USP20: variants seen among roughly 807,000 people sequenced by gnomAD.
The protein encoded by USP20 is ubiquitin specific peptidase 20.
Under a neutral mutation model 124.2 loss-of-function variants are expected in USP20, and 80 were observed. That is an observed-to-expected ratio of 0.64 (90% CI 0.54 to 0.78). The LOEUF is 0.78. USP20 is among the 30% of genes least tolerant of loss of function. The pLI, the probability that USP20 is intolerant of heterozygous loss-of-function variation, is 0.00. For missense variants in USP20, 1,043 were observed against 1,244.4 expected, an observed-to-expected ratio of 0.84 and a Z score of 2.44; for synonymous variants, 481 against 512.3, an observed-to-expected ratio of 0.94 and a Z score of 0.83.
At position 129,869,110 on chromosome 9, in the gene USP20, C is replaced by G; in HGVS notation, c.1276+108C>G. 6.2e-6 allele frequency: 9 copies of G among 1,453,756 alleles called. No individual in the cohort carries two copies. In the South Asian group the frequency reaches 1.2e-4, roughly 20 times the overall value. The allele number at this position is 1,453,756 out of a possible 1,614,324, so 90.1% of individuals were successfully genotyped here. A position where few individuals can be genotyped will look rare whatever the true frequency, so the allele number is the denominator to read the frequency against. ...TGGCGGAGGGCCGGGCTATGGGCTC[C>G]TCTCAGGTACACCCCTGAGACACCA... is the stretch of plus-strand genomic sequence containing the variant. On this transcript the variant is annotated intron_variant, in intron 12 of 25. Coordinates refer to ENST00000372429, the MANE Select transcript of USP20 (RefSeq NM_001110303.4).
chr9:129,841,784 G>C (rs930569468), intron 1 of USP20, among the ~76,000 whole-genome samples: 3 of 152,156 alleles, frequency 2.0e-5, no homozygotes, highest in Non-Finnish European at 4.4e-5. Flanking sequence ...AAAAGCACCA[G>C]GAGGTGAGCT....
intron 9 of USP20, among the ~76,000 whole-genome samples, chr9:129,864,183 G>A (rs2102210): frequency 0.86 from 130,735 of 151,294 alleles, 56,834 homozygotes; most frequent in East Asian, 0.98. Flanking sequence ...AAAAACCAGC[G>A]TGGGGCCAGA....
rs976599119 is a variant in USP20 at position 129,879,496 on chromosome 9, A to T, written c.2513-77A>T. On this transcript the variant is annotated intron_variant, in intron 23 of 25. Coordinates refer to ENST00000372429, the MANE Select transcript of USP20 (RefSeq NM_001110303.4). The surrounding 1 kb of genome is among the most constrained non-coding windows in gnomAD (Gnocchi z 4.2). ...TGACCCCCAGGCCTGGGGCGGCCCC[A>T]CTTGGGATGGCTCTGCTGCTGTGGA... 2.0e-6 allele frequency: 3 copies of T among 1,530,140 alleles called. No homozygotes were observed. Among genetic ancestry groups the T allele is most frequent in the Non-Finnish European group, 2.7e-6 (3 of 1,109,848 alleles). The allele number at this position is 1,530,140 out of a possible 1,614,324, so 94.8% of individuals were successfully genotyped here.
intron 1 of USP20, among the ~76,000 whole-genome samples, chr9:129,848,930 CTT>C (rs2032743681): frequency 6.6e-6 from 1 of 152,250 alleles, no homozygotes; most frequent in Non-Finnish European, 1.5e-5. Context: ...GCCTCTCCCT[CTT>C]TGAGCTGTCC....
chr9:129,877,203 C>T (rs1447561662), intron 22 of USP20, among the ~76,000 whole-genome samples: 2 of 152,162 alleles, frequency 1.3e-5, no homozygotes, highest in Non-Finnish European at 2.9e-5. Context: ...TGAGGGACGC[C>T]CGTGCTTTGT....
intron 17 of USP20, among the ~76,000 whole-genome samples, chr9:129,874,335 C>T (rs996885935): frequency 6.6e-6 from 1 of 152,128 alleles, no homozygotes; most frequent in Admixed American, 6.5e-5. Context: ...AAGGTAGTGC[C>T]GACAGAACTG....
chr9:129,841,132 C>G (rs915560066), intron 1 of USP20, among the ~76,000 whole-genome samples: 2 of 152,182 alleles, frequency 1.3e-5, no homozygotes, highest in African/African-American at 4.8e-5. Flanking sequence ...AACAAAGTAC[C>G]ACAGACTGGG....
At chr9:129,860,024 C>G (rs2033453116) in intron 6 of USP20, among the ~76,000 whole-genome samples, 1 of 150,502 alleles carries the variant, frequency 6.6e-6, no homozygotes, top group African/African-American at 2.4e-5. Context: ...GAGCAAGACT[C>G]TATCTCTTAA....
chr9:129,876,300 C>T (rs1213334329), intron 22 of USP20, 62 bp downstream of exon 22: 9 of 1,426,866 alleles, frequency 6.3e-6, no homozygotes, highest in African/African-American at 1.4e-5. Flanking sequence ...CAGCTGGGGA[C>T]TTGGGGACAG....
At chr9:129,858,666 G>A in intron 6 of USP20, 68 bp downstream of exon 6, 1 of 1,582,006 alleles carries the variant, frequency 6.3e-7, no homozygotes, top group Non-Finnish European at 8.6e-7. Context: ...AGTGTGACCT[G>A]AGCATCCGTG....
chr9:129,876,768 G>A (rs2034429011), intron 22 of USP20, among the ~76,000 whole-genome samples: 1 of 152,140 alleles, frequency 6.6e-6, no homozygotes, highest in East Asian at 1.9e-4. Flanking sequence ...CCCGGGTGCT[G>A]TTGAGCTTAA....
intron 19 of USP20, among the ~76,000 whole-genome samples, 154 bp downstream of exon 19, chr9:129,875,109 G>A (rs1479156923): frequency 6.6e-6 from 1 of 152,212 alleles, no homozygotes; most frequent in Non-Finnish European, 1.5e-5. Flanking sequence ...CTGCTGTGGG[G>A]AACCCAGGAA....
chr9:129,836,390 G>C (rs1231338133), intron 1 of USP20, among the ~76,000 whole-genome samples: 6 of 152,148 alleles, frequency 3.9e-5, no homozygotes, highest in Admixed American at 3.9e-4. Context: ...ATGAGAATGC[G>C]GAGTCTCCGA....
At position 129,878,442 on chromosome 9, in the gene USP20, T is replaced by G; in HGVS notation, c.2512+2T>G. 6.2e-7 allele frequency: 1 copy of G among 1,601,802 alleles called. No individual in the cohort carries two copies. Among genetic ancestry groups the G allele is most frequent in the East Asian group, 2.2e-5 (1 of 44,528 alleles). ...CGTTCGTCAAGGGGAAGGACAACGG[T>G]GAGCTGAGGGGGGACCTGGCACTTA... On this transcript the variant is annotated splice_donor_variant, in intron 23 of 25. Transcript: ENST00000372429. LOFTEE classifies it high-confidence loss of function.
intron 9 of USP20, among the ~76,000 whole-genome samples, chr9:129,864,060 C>T (rs1286087559): frequency 1.3e-5 from 2 of 148,804 alleles, no homozygotes; most frequent in East Asian, 2.0e-4. Context: ...GAGCCGAGAT[C>T]GCACCACTGC....
At chr9:129,851,806 CT>C (rs112731446) in intron 2 of USP20, among the ~76,000 whole-genome samples, 30 of 148,326 alleles carry the variant, frequency 2.0e-4, no homozygotes, top group Admixed American at 3.4e-4. Context: ...AGCAACAGAG[CT>C]TTTTTTTTTT....
intron 21 of USP20, 122 bp from the exon 22 acceptor site, chr9:129,876,008 G>T (rs936470522): frequency 1.2e-6 from 1 of 853,666 alleles, no homozygotes; most frequent in Middle Eastern, 2.4e-4. Context: ...AGAGGTGCAT[G>T]CAGGCCTGCG....
At chr9:129,870,588 T>A in intron 15 of USP20, 41 bp downstream of exon 15, 7 of 1,606,918 alleles carry the variant, frequency 4.4e-6, no homozygotes, top group Non-Finnish European at 6.0e-6. Flanking sequence ...GGTGGAGGGT[T>A]GTGGGGACGG....
chr9:129,876,071 A>G (rs1330370925), intron 21 of USP20, 59 bp from the exon 22 acceptor site: 15 of 1,453,524 alleles, frequency 1.0e-5, no homozygotes, highest in Middle Eastern at 1.8e-4. Context: ...GGCAGTGATC[A>G]CTCTCCCCTC....
Sources: gnomAD v4.1 joint callset for allele counts (sites outside exome capture counted in the v4.1 genomes callset) on GRCh38, gnomAD v4.1.1 for gene constraint, Gnocchi (gnomAD v3.1) non-coding constraint, MANE v1.5 for transcripts, NCBI Gene and HGNC (gene_info 2026-07-23, HGNC 2026-07-21) for gene names.